AHR: variants seen among roughly 807,000 people sequenced by gnomAD.
AHR encodes AH-receptor.
Under a neutral mutation model 86.8 loss-of-function variants are expected in AHR, and 40 were observed. The observed-to-expected ratio is 0.46, with a 90% CI of 0.36 to 0.60. AHR has a LOEUF of 0.60. Ranked by LOEUF, AHR falls within the 20% of genes least tolerant of loss-of-function variation. AHR has a pLI of 0.00. For synonymous variants in AHR, 398 were observed against 354.9 expected, an observed-to-expected ratio of 1.12 and a Z score of -1.37; for missense variants, 1,001 against 1,011.6, an observed-to-expected ratio of 0.99 and a Z score of 0.14.
intron 1 of AHR, among the ~76,000 whole-genome samples, chr7:17,301,591 A>T (rs149526900): frequency 2.6e-5 from 4 of 152,118 alleles, no homozygotes; most frequent in African/African-American, 9.6e-5. Context: ...TAAGTATTCC[A>T]TAAAATTTTG....
At chr7:17,304,011 A>C (rs539194494) in intron 1 of AHR, among the ~76,000 whole-genome samples, 1 of 152,084 alleles carries the variant, frequency 6.6e-6, no homozygotes, top group South Asian at 2.1e-4. Context: ...GTATTTGCAG[A>C]TTTTCTACTT....
At chr7:17,318,520 T>G (rs1008642276) in intron 2 of AHR, among the ~76,000 whole-genome samples, 3 of 152,162 alleles carry the variant, frequency 2.0e-5, no homozygotes, top group African/African-American at 7.2e-5. Context: ...GTTTACTATC[T>G]TAACATTCTA....
Position 17,340,099 on chromosome 7 carries a change from A to C in AHR, c.2274A>C (p.Ile758=). Reference sequence around the variant, plus strand: ...ATGGATTAAATCCACAGTCAGCCATAATAACTCCTCAGACATGTTATGCTG... The same window carrying C: ...ATGGATTAAATCCACAGTCAGCCATCATAACTCCTCAGACATGTTATGCTG... ...QKHGLNPQSA[I]ITPQTCYAGA... Residue 758 remains isoleucine (I), a synonymous_variant, in exon 10 of 11, where the codon ATA becomes ATC. Coordinates refer to ENST00000242057, the MANE Select transcript of AHR (RefSeq NM_001621.5). 6.2e-7 allele frequency: 1 copy of C among 1,614,190 alleles called. No individual in the cohort carries two copies. Among genetic ancestry groups the C allele is most frequent in the South Asian group, 1.1e-5 (1 of 91,086 alleles).
intron 2 of AHR, among the ~76,000 whole-genome samples, chr7:17,320,363 T>C (rs1414839752): frequency 6.6e-6 from 1 of 152,108 alleles, no homozygotes; most frequent in Non-Finnish European, 1.5e-5. Flanking sequence ...CTTAGTCATC[T>C]TCTCAGTGAT....
At chr7:17,304,944 A>T (rs978924948) in intron 1 of AHR, among the ~76,000 whole-genome samples, 3 of 152,054 alleles carry the variant, frequency 2.0e-5, no homozygotes, top group African/African-American at 4.8e-5. Context: ...GGGGGAGGGG[A>T]AACAATGAGT....
At chr7:17,335,082 TTTAAG>T (rs1005494075) in intron 8 of AHR, 86 bp downstream of exon 8, 1 of 944,496 alleles carries the variant, frequency 1.1e-6, no homozygotes, top group Non-Finnish European at 1.6e-6. Flanking sequence ...ATGTAAAGTG[TTTAAG>T]TAAAGTATAT....
At position 17,339,492 on chromosome 7, in the gene AHR, T is replaced by C; in HGVS notation, c.1667T>C (p.Met556Thr). 1 of 1,614,064 alleles carries C rather than the reference T, an allele frequency of 6.2e-7. No homozygotes were observed. The highest frequency in any genetic ancestry group is 8.5e-7 in the Non-Finnish European group (1 of 1,180,002). The change falls in exon 10 of 11, where the codon ATG becomes ACG. Residue 556 changes from methionine to threonine, a missense_variant. By Grantham distance (81) the Met-to-Thr change is moderately conservative. Transcript: ENST00000242057. ...ATTGATTTTGAAGACATCAGACACA[T>C]GCAGAATGAAAAATTTTTCAGAAAT... ...LGIDFEDIRH[M>T]QNEKFFRNDF...
At chr7:17,310,898 TC>T (rs900330469) in intron 2 of AHR, among the ~76,000 whole-genome samples, 5 of 152,220 alleles carry the variant, frequency 3.3e-5, no homozygotes, top group African/African-American at 1.2e-4. Context: ...AACATGTTTT[TC>T]ACTAGAAAGA....
chr7:17,323,552 G>A (rs1157923506), intron 3 of AHR, among the ~76,000 whole-genome samples: 3 of 151,988 alleles, frequency 2.0e-5, no homozygotes, highest in African/African-American at 4.8e-5. Context: ...ATAAAGATGT[G>A]TGCCATGTGT....
intron 6 of AHR, among the ~76,000 whole-genome samples, chr7:17,333,101 G>A (rs1346737347): frequency 6.6e-6 from 1 of 151,940 alleles, no homozygotes; most frequent in Non-Finnish European, 1.5e-5. Context: ...GTATAGCTTA[G>A]ATGCGTAGTA....
chr7:17,337,554 A>G (rs1199239679), intron 9 of AHR, among the ~76,000 whole-genome samples: 2 of 146,714 alleles, frequency 1.4e-5, no homozygotes, highest in African/African-American at 5.1e-5. Flanking sequence ...GGCTCACTGC[A>G]AGCTCCGCCA....
intron 7 of AHR, among the ~76,000 whole-genome samples, 165 bp from the exon 8 acceptor site, chr7:17,334,722 C>A (rs1170028718): frequency 6.6e-6 from 1 of 151,946 alleles, no homozygotes; most frequent in Non-Finnish European, 1.5e-5. Context: ...CAAAGAAGAT[C>A]AGTTTACATG....
chr7:17,315,113 A>G (rs537698835), intron 2 of AHR, among the ~76,000 whole-genome samples: 1 of 152,096 alleles, frequency 6.6e-6, no homozygotes, highest in Non-Finnish European at 1.5e-5. Flanking sequence ...TAAAATTTTA[A>G]TTTATGGAAC....
At chr7:17,331,611 A>C (rs1217115828) in intron 6 of AHR, among the ~76,000 whole-genome samples, 1 of 151,888 alleles carries the variant, frequency 6.6e-6, no homozygotes, top group Non-Finnish European at 1.5e-5. Context: ...TGGCCTTTCC[A>C]TATGTCTCAA....
At chr7:17,323,400 C>CTAT (rs1782194452) in intron 3 of AHR, among the ~76,000 whole-genome samples, 1 of 152,076 alleles carries the variant, frequency 6.6e-6, no homozygotes, top group South Asian at 2.1e-4. Flanking sequence ...ACTCCAATCC[C>CTAT]TATTTTTATG....
At chr7:17,300,985 A>G (rs1206799719) in intron 1 of AHR, among the ~76,000 whole-genome samples, 1 of 152,146 alleles carries the variant, frequency 6.6e-6, no homozygotes, top group Non-Finnish European at 1.5e-5. Flanking sequence ...ACAGTTTAAC[A>G]TTTATGGATT....
rs1478873012 is a variant in AHR at position 17,298,712 on chromosome 7, G to A, written c.-553G>A. On this transcript the variant is annotated 5_prime_UTR_variant, in exon 1 of 11. Transcript: ENST00000242057. ...GAGCGTGCCCCGGACCGCCAGCTCA[G>A]AACAGGGGCAGCCGTGTAGCCGAAC... The A allele has an allele frequency of 2.5e-6, 1 of 397,002 alleles. No homozygotes were observed. Among genetic ancestry groups the A allele is most frequent in the Non-Finnish European group, 4.4e-6 (1 of 225,214 alleles). The allele number at this position is 397,002 out of a possible 1,614,324, so 24.6% of individuals were successfully genotyped here.
intron 4 of AHR, 117 bp from the exon 5 acceptor site, chr7:17,329,835 C>A: frequency 1.2e-6 from 1 of 867,376 alleles, no homozygotes; most frequent in Non-Finnish European, 1.7e-6. Context: ...AGGAATCATT[C>A]AATTCGTATT....
At position 17,343,761 on chromosome 7, in the gene AHR, C is replaced by A. The variant is rs1462298894; in HGVS notation, c.*697C>A. On this transcript the variant is annotated 3_prime_UTR_variant, in exon 11 of 11. Coordinates refer to ENST00000242057, the MANE Select transcript of AHR (RefSeq NM_001621.5). ...TCATTAATTCAGGCATATTTTAACTCCACTGCTTACCTACTTTCTTCAGGT... is the reference window on the plus strand; with the variant it reads ...TCATTAATTCAGGCATATTTTAACTACACTGCTTACCTACTTTCTTCAGGT... 2 of 152,490 alleles carry A rather than the reference C, an allele frequency of 1.3e-5. No homozygotes were observed. Among genetic ancestry groups the A allele is most frequent in the African/African-American group, 4.8e-5 (2 of 41,380 alleles). The allele number at this position is 152,490 out of a possible 1,614,324, so 9.4% of individuals were successfully genotyped here.
Sources: allele counts gnomAD v4.1 joint callset (sites outside exome capture counted in the v4.1 genomes callset), GRCh38; gene constraint gnomAD v4.1.1; transcripts MANE v1.5; gene names NCBI Gene and HGNC (gene_info 2026-07-23, HGNC 2026-07-21).